The following INPP4B variants were observed in gnomAD, a reference collection of about 807,000 sequenced individuals.
INPP4B encodes inositol polyphosphate-4-phosphatase type II B, also known as inositol polyphosphate 4-phosphatase type II.
In INPP4B, 55 loss-of-function variants were observed where a neutral mutation model predicts 122.5. The ratio of observed to expected loss-of-function variants is 0.45; its 90% confidence interval spans 0.36 to 0.56. The LOEUF (loss-of-function observed/expected upper bound fraction) is 0.56, where lower values mean the gene tolerates loss of function less well. INPP4B is among the 20% of genes least tolerant of loss of function. The pLI, the probability that INPP4B is intolerant of heterozygous loss-of-function variation, is 0.00. For synonymous variants in INPP4B, 403 were observed against 388.7 expected (o/e 1.04, Z -0.43); for missense variants, 1,000 against 1,097.7 (o/e 0.91, Z 1.26).
In INPP4B at chr4:142,040,050, A is replaced by G. The variant is rs141811583; in HGVS notation, c.2643-11136T>C. Among the ~76,000 whole-genome samples, 954 of 152,232 alleles carry G rather than the reference A, an allele frequency of 6.3e-3. 13 individuals carry two copies. The highest frequency in any genetic ancestry group is 0.022 in the African/African-American group (914 of 41,532). On this transcript the variant is annotated intron_variant, in intron 25 of 25. Coordinates refer to ENST00000262992, the MANE Select transcript of INPP4B (RefSeq NM_001101669.3). Reference sequence around the variant, plus strand: ...CCATTGCGGGTTGGGGGGGTAATACAGAATAAAAGGATCTTTTAGGGTAGA... The same window carrying G: ...CCATTGCGGGTTGGGGGGGTAATACGGAATAAAAGGATCTTTTAGGGTAGA...
intron 12 of INPP4B, among the ~76,000 whole-genome samples, chr4:142,220,360 T>C (rs1848881599): frequency 6.6e-6 from 1 of 152,226 alleles, no homozygotes; most frequent in African/African-American, 2.4e-5. Context: ...CAGTCTTGGC[T>C]ATAGCAACTG....
chr4:142,369,022 G>T (rs980279623), intron 7 of INPP4B, among the ~76,000 whole-genome samples: 6 of 152,034 alleles, frequency 3.9e-5, no homozygotes, highest in Non-Finnish European at 8.8e-5. Flanking sequence ...GGAGGAAGAA[G>T]AGGAACTGGG....
chr4:142,233,784 G>C (rs1034455465), intron 12 of INPP4B, among the ~76,000 whole-genome samples: 2 of 151,500 alleles, frequency 1.3e-5, no homozygotes, highest in Admixed American at 6.6e-5. Flanking sequence ...TTACATTATG[G>C]TATATTAATT....
chr4:142,340,964 G>A (rs1186994492), intron 7 of INPP4B, among the ~76,000 whole-genome samples: 1 of 152,114 alleles, frequency 6.6e-6, no homozygotes, highest in Non-Finnish European at 1.5e-5. Flanking sequence ...AAACTTCATA[G>A]CCACATCATT....
At chr4:142,263,639 A>AATATATAT (rs36227189) in intron 10 of INPP4B, among the ~76,000 whole-genome samples, 551 of 41,708 alleles carry the variant, frequency 0.013, 26 homozygotes, top group Middle Eastern at 0.038. Flanking sequence ...AAATTCGTAA[A>AATATATAT]ATATATATAT....
chr4:142,334,186 TCTTA>T (rs1389833944), intron 7 of INPP4B, among the ~76,000 whole-genome samples: 3 of 152,218 alleles, frequency 2.0e-5, no homozygotes, highest in Non-Finnish European at 4.4e-5. Flanking sequence ...TGACAGAATT[TCTTA>T]CTTTTCTTTG....
At chr4:142,272,101 C>T (rs1362099602) in intron 9 of INPP4B, among the ~76,000 whole-genome samples, 2 of 152,120 alleles carry the variant, frequency 1.3e-5, no homozygotes, top group African/African-American at 4.8e-5. Context: ...TCATTAGTCA[C>T]ATCTTTCATG....
chr4:142,534,591 A>T (rs1580308170), intron 2 of INPP4B, among the ~76,000 whole-genome samples: 1 of 152,012 alleles, frequency 6.6e-6, no homozygotes, highest in African/African-American at 2.4e-5. Context: ...CTCTTACAAC[A>T]GCATAAATGG....
chr4:142,373,651 G>C (rs924929255), intron 7 of INPP4B, among the ~76,000 whole-genome samples: 1 of 151,930 alleles, frequency 6.6e-6, no homozygotes, highest in African/African-American at 2.4e-5. Context: ...GAGCAAATAT[G>C]TAAGGCCTAG....
chr4:142,185,620 C>T (rs1832827463), intron 15 of INPP4B, among the ~76,000 whole-genome samples: 1 of 151,688 alleles, frequency 6.6e-6, no homozygotes, highest in South Asian at 2.1e-4. Flanking sequence ...TGGCTCATGC[C>T]GGTAATCCTA....
At chr4:142,073,622 T>C (rs1410157247) in intron 25 of INPP4B, among the ~76,000 whole-genome samples, 2 of 152,078 alleles carry the variant, frequency 1.3e-5, no homozygotes, top group Non-Finnish European at 2.9e-5. Context: ...TGGATTTCTT[T>C]GTATATGAGG....
At chr4:142,118,841 A>T (rs1300693188) in intron 21 of INPP4B, among the ~76,000 whole-genome samples, 1 of 152,196 alleles carries the variant, frequency 6.6e-6, no homozygotes, top group Admixed American at 6.5e-5. Flanking sequence ...AGAAACCACC[A>T]TCAGAGTGAA....
intron 25 of INPP4B, among the ~76,000 whole-genome samples, chr4:142,047,385 G>A (rs1185008711): frequency 2.6e-5 from 4 of 151,932 alleles, no homozygotes; most frequent in African/African-American, 9.7e-5. Flanking sequence ...CACAGAGCTT[G>A]GAAAAAGGGT....
intron 7 of INPP4B, among the ~76,000 whole-genome samples, chr4:142,332,996 GCAAGA>G (rs1278599101): frequency 8.3e-6 from 1 of 120,784 alleles, no homozygotes; most frequent in Non-Finnish European, 1.6e-5. Flanking sequence ...GGGCGACAGA[GCAAGA>G]CTCCGTCTCA....
intron 2 of INPP4B, among the ~76,000 whole-genome samples, chr4:142,716,311 C>T (rs1278154531): frequency 6.6e-6 from 1 of 152,190 alleles, no homozygotes; most frequent in African/African-American, 2.4e-5. Flanking sequence ...TAATAACATA[C>T]ACATACATAT....
intron 1 of INPP4B, among the ~76,000 whole-genome samples, chr4:142,838,553 T>C (rs1245766617): frequency 6.6e-6 from 1 of 152,018 alleles, no homozygotes; most frequent in East Asian, 1.9e-4. Context: ...AATATTGCAG[T>C]AAATTTCAAA....
chr4:142,102,837 T>C, intron 23 of INPP4B, among the ~76,000 whole-genome samples: 1 of 152,072 alleles, frequency 6.6e-6, no homozygotes, highest in East Asian at 1.9e-4. Context: ...GGATCAAGTA[T>C]AGATCCTTTG....
intron 2 of INPP4B, among the ~76,000 whole-genome samples, chr4:142,506,757 G>A (rs1322281415): frequency 6.6e-6 from 1 of 152,150 alleles, no homozygotes; most frequent in African/African-American, 2.4e-5. Context: ...AGAGGTGAAA[G>A]TTATGATATA....
intron 6 of INPP4B, 30 bp downstream of exon 6, chr4:142,405,173 GAGA>G: frequency 8.0e-7 from 1 of 1,252,828 alleles, no homozygotes; most frequent in African/African-American, 1.5e-5. Flanking sequence ...GAGAGAGAGA[GAGA>G]GAGATTAATG....
Sources: allele counts gnomAD v4.1 joint callset (sites outside exome capture counted in the v4.1 genomes callset), GRCh38; gene constraint gnomAD v4.1.1; transcripts MANE v1.5; gene names NCBI Gene and HGNC (gene_info 2026-07-23, HGNC 2026-07-21).